The following PDIA3 variants were observed in gnomAD, a reference collection of about 807,000 sequenced individuals.
The protein encoded by PDIA3 is protein disulfide-isomerase A3.
Under a neutral mutation model 56.9 loss-of-function variants are expected in PDIA3, and 16 were observed. That is an observed-to-expected ratio of 0.28 (90% CI 0.19 to 0.43). The LOEUF (loss-of-function observed/expected upper bound fraction) is 0.43, where lower values mean the gene tolerates loss of function less well. Among genes scored for constraint, PDIA3 ranks in the 20% least tolerant of loss-of-function variants. PDIA3 has a pLI of 1.00. For missense variants in PDIA3, 485 were observed against 621.3 expected (o/e 0.78, Z 2.33); for synonymous variants, 192 against 216.5 (o/e 0.89, Z 0.99).
At chr15:43,768,028 C>G (rs188739444) in intron 8 of PDIA3, among the ~76,000 whole-genome samples, 4 of 152,132 alleles carry the variant, frequency 2.6e-5, no homozygotes, top group Non-Finnish European at 4.4e-5. Flanking sequence ...ATTCCCCCCC[C>G]TCATCCCTAC....
rs775279440 is a variant in PDIA3 at position 43,765,454 on chromosome 15, A to G, written c.607A>G (p.Ile203Val). Residue 203 changes from isoleucine (I) to valine (V), a missense_variant, in exon 6 of 13, where the codon ATC (isoleucine) becomes GTC (valine). Coordinates refer to ENST00000300289, the MANE Select transcript of PDIA3 (RefSeq NM_005313.5). ...CTTTTCTTTTTTTTTTTTAAGGGGT[A>G]TCATCTTATTTCGTCCTTCACATCT... The part of the protein sequence containing the change: ...VNEYDDNGEG[I>V]ILFRPSHLTN... 1.2e-5 allele frequency: 18 copies of G among 1,559,432 alleles called. No individual in the cohort carries two copies. The highest frequency in any genetic ancestry group is 1.6e-5 in the Non-Finnish European group (18 of 1,133,328).
At chr15:43,763,315 C>A (rs2086828706) in intron 5 of PDIA3, 109 bp downstream of exon 5, 1 of 1,220,304 alleles carries the variant, frequency 8.2e-7, no homozygotes. Context: ...TGCAGTGGTG[C>A]AATCTCTGCT....
intron 7 of PDIA3, 35 bp from the exon 8 acceptor site, chr15:43,766,693 A>G (rs771770556): frequency 1.9e-6 from 3 of 1,592,214 alleles, no homozygotes; most frequent in African/African-American, 1.3e-5. Context: ...ACCACCCTGT[A>G]TAGTCTTGGC....
chr15:43,747,039 A>G, intron 1 of PDIA3: 2 of 323,032 alleles, frequency 6.2e-6, no homozygotes, highest in Admixed American at 4.8e-5. Context: ...AGTCAGTATT[A>G]ATGCTCCTCC....
intron 9 of PDIA3, 110 bp downstream of exon 9, chr15:43,768,707 T>C (rs527675617): frequency 1.1e-5 from 8 of 717,100 alleles, no homozygotes; most frequent in Non-Finnish European, 1.9e-5. Flanking sequence ...CTTTTTTTTT[T>C]TGTCCTTACT....
intron 3 of PDIA3, among the ~76,000 whole-genome samples, chr15:43,760,973 C>T (rs1596022306): frequency 6.6e-6 from 1 of 151,570 alleles, no homozygotes; most frequent in Non-Finnish European, 1.5e-5. Context: ...GGTGTGGTGG[C>T]TCACGCCTGT....
chr15:43,754,947 C>T (rs1404256577), intron 2 of PDIA3, among the ~76,000 whole-genome samples: 2 of 151,086 alleles, frequency 1.3e-5, no homozygotes, highest in Non-Finnish European at 2.9e-5. Flanking sequence ...AGAGCGAAAC[C>T]CTGTCTCAAA....
chr15:43,765,516 A>G lies in PDIA3; in HGVS notation c.669A>G (p.Thr223=). The G allele has an allele frequency of 6.2e-7, 1 of 1,612,900 alleles. No individual in the cohort carries two copies. The part of the protein sequence containing the change: ...NKFEDKTVAY[T]EQKMTSGKIK... ...TTGAGGACAAGACTGTGGCATATAC[A>G]GAGCAAAAAATGACCAGTGGCAAAA... The change falls in exon 6 of 13, where the codon ACA becomes ACG. Residue 223 remains threonine (T), a synonymous_variant. Coordinates refer to ENST00000300289, the MANE Select transcript of PDIA3 (RefSeq NM_005313.5).
In PDIA3 at chr15:43,771,142, A is replaced by C. The variant is rs1233677286; in HGVS notation, c.1442A>C (p.Gln481Pro). 6.2e-7 allele frequency: 1 copy of C among 1,613,046 alleles called. No individual in the cohort carries two copies. Among genetic ancestry groups the C allele is most frequent in the Non-Finnish European group, 8.5e-7 (1 of 1,179,672 alleles). ...RELSDFISYLQREATNPPVIQ... is the reference protein window; with the variant it reads ...RELSDFISYLPREATNPPVIQ... ...TTAAGTGATTTTATTAGCTATCTAC[A>C]AAGAGAAGCTACAAACCCCCCTGTA... Residue 481 changes from glutamine (Q) to proline (P), a missense_variant, in exon 13 of 13, where the codon CAA becomes CCA. Transcript: ENST00000300289.
At chr15:43,758,032 A>C (rs962909986) in intron 3 of PDIA3, among the ~76,000 whole-genome samples, 3 of 151,884 alleles carry the variant, frequency 2.0e-5, no homozygotes, top group Non-Finnish European at 4.4e-5. Context: ...TGAGGTCGGG[A>C]GTTCGAGACC....
intron 1 of PDIA3, among the ~76,000 whole-genome samples, chr15:43,750,707 G>A (rs1203907320): frequency 6.6e-6 from 1 of 151,722 alleles, no homozygotes; most frequent in East Asian, 2.0e-4. Context: ...CCCAGGAGGT[G>A]GAGCTTGCAG....
At chr15:43,768,625 A>G (rs1224547791) in intron 9 of PDIA3, 28 bp downstream of exon 9, 5 of 1,374,200 alleles carry the variant, frequency 3.6e-6, no homozygotes, top group African/African-American at 1.4e-5. Context: ...TCATCAAGCT[A>G]TGAGCAATTG....
chr15:43,753,980 G>A, intron 2 of PDIA3, 78 bp downstream of exon 2: 1 of 945,506 alleles, frequency 1.1e-6, no homozygotes, highest in Admixed American at 1.8e-5. Flanking sequence ...TTGTTACATG[G>A]AAAAAAATAA....
At position 43,771,159 on chromosome 15, in the gene PDIA3, C is replaced by T; in HGVS notation, c.1459C>T (p.Pro487Ser). The T allele has an allele frequency of 1.2e-6, 2 of 1,612,716 alleles. No individual in the cohort carries two copies. The highest frequency in any genetic ancestry group is 1.7e-6 in the Non-Finnish European group (2 of 1,179,814). Residue 487 changes from proline to serine, a missense_variant, in exon 13 of 13, where the codon CCC (proline) becomes TCC (serine). Coordinates refer to ENST00000300289, the MANE Select transcript of PDIA3 (RefSeq NM_005313.5). Reference protein sequence around the residue: ...ISYLQREATNPPVIQEEKPKK... With the variant: ...ISYLQREATNSPVIQEEKPKK... ...CTATCTACAAAGAGAAGCTACAAAC[C>T]CCCCTGTAATTCAAGAAGAAAAACC... is the stretch of plus-strand genomic sequence containing the variant.
intron 3 of PDIA3, among the ~76,000 whole-genome samples, chr15:43,760,832 A>C (rs891833284): frequency 6.6e-6 from 1 of 151,774 alleles, no homozygotes; most frequent in East Asian, 2.0e-4. Context: ...CACCCGGCCA[A>C]AAAAACTTTT....
At chr15:43,764,536 C>T (rs987143239) in intron 5 of PDIA3, among the ~76,000 whole-genome samples, 3 of 152,050 alleles carry the variant, frequency 2.0e-5, no homozygotes, top group African/African-American at 7.2e-5. Context: ...GGTGCGATCT[C>T]GGCTCACTAC....
intron 2 of PDIA3, among the ~76,000 whole-genome samples, 190 bp from the exon 3 acceptor site, chr15:43,756,458 GA>G (rs2086778995): frequency 1.3e-5 from 2 of 152,190 alleles, no homozygotes. Flanking sequence ...CAATTTTAAA[GA>G]ATTCCTTAGG....
chr15:43,751,124 T>C (rs1428373742), intron 1 of PDIA3, among the ~76,000 whole-genome samples: 2 of 115,624 alleles, frequency 1.7e-5, no homozygotes, highest in Non-Finnish European at 1.8e-5. Context: ...AGAGCAAGAC[T>C]CCGTCTCGAA....
At chr15:43,758,467 A>G (rs1004860956) in intron 3 of PDIA3, among the ~76,000 whole-genome samples, 3 of 151,152 alleles carry the variant, frequency 2.0e-5, no homozygotes, top group South Asian at 2.1e-4. Flanking sequence ...GAGGCCAGCC[A>G]GGACAATGTG....
Sources: allele counts gnomAD v4.1 joint callset (sites outside exome capture counted in the v4.1 genomes callset), GRCh38; gene constraint gnomAD v4.1.1; transcripts MANE v1.5; gene names NCBI Gene and HGNC (gene_info 2026-07-23, HGNC 2026-07-21).